TMEM132D: variants seen among roughly 807,000 people sequenced by gnomAD.
TMEM132D encodes transmembrane protein 132D.
TMEM132D carries 21 observed loss-of-function variants against 62.3 expected under a neutral mutation model. That is an observed-to-expected ratio of 0.34 (90% CI 0.24 to 0.49). The LOEUF is 0.49. TMEM132D is among the 20% of genes least tolerant of loss of function. The pLI, the probability that TMEM132D is intolerant of heterozygous loss-of-function variation, is 0.99. For synonymous variants in TMEM132D, 621 were observed against 575.6 expected, an observed-to-expected ratio of 1.08 and a Z score of -1.13; for missense variants, 1,346 against 1,402.8, an observed-to-expected ratio of 0.96 and a Z score of 0.65.
At chr12:129,498,261 T>G (rs1408767032) in intron 3 of TMEM132D, among the ~76,000 whole-genome samples, 1 of 151,892 alleles carries the variant, frequency 6.6e-6, no homozygotes, top group African/African-American at 2.4e-5. Flanking sequence ...TTTATTTGTT[T>G]GTTTGTTTTT....
intron 7 of TMEM132D, among the ~76,000 whole-genome samples, chr12:129,080,422 C>T (rs9788224): frequency 0.24 from 36,126 of 152,144 alleles, 4,420 homozygotes; most frequent in East Asian, 0.39. Context: ...GGTAGCTTCT[C>T]AGCCTTTAGA....
chr12:129,394,243 A>T (rs1871361560), intron 3 of TMEM132D, among the ~76,000 whole-genome samples: 1 of 152,166 alleles, frequency 6.6e-6, no homozygotes, highest in Non-Finnish European at 1.5e-5. Context: ...TTCTGCTCAG[A>T]TACATGAAGA....
chr12:129,204,362 A>G (rs910188171), intron 5 of TMEM132D, among the ~76,000 whole-genome samples: 1 of 152,228 alleles, frequency 6.6e-6, no homozygotes, highest in Admixed American at 6.5e-5. Flanking sequence ...AAAACACACT[A>G]CAAGAATTAA....
chr12:129,405,337 A>G (rs1003651107), intron 3 of TMEM132D, among the ~76,000 whole-genome samples: 2 of 152,112 alleles, frequency 1.3e-5, no homozygotes, highest in African/African-American at 2.4e-5. Context: ...CTCTACCCTC[A>G]TGACCTTACC....
chr12:129,352,200 G>A (rs943459186), intron 3 of TMEM132D, among the ~76,000 whole-genome samples: 1 of 152,100 alleles, frequency 6.6e-6, no homozygotes, highest in Non-Finnish European at 1.5e-5. Context: ...ACCCAGAGTT[G>A]GAGTGTCCTG....
At chr12:129,387,388 C>A (rs1270836628) in intron 3 of TMEM132D, among the ~76,000 whole-genome samples, 2 of 151,982 alleles carry the variant, frequency 1.3e-5, no homozygotes, top group East Asian at 1.9e-4. Context: ...CTAACAAACA[C>A]TAACATCAAC....
intron 2 of TMEM132D, among the ~76,000 whole-genome samples, chr12:129,589,794 G>T (rs942627867): frequency 3.3e-5 from 5 of 152,134 alleles, no homozygotes; most frequent in Admixed American, 2.6e-4. Flanking sequence ...CATTTATTCT[G>T]TTCTTACCAG....
At chr12:129,580,164 G>T (rs372405549) in intron 2 of TMEM132D, among the ~76,000 whole-genome samples, 2 of 152,162 alleles carry the variant, frequency 1.3e-5, no homozygotes, top group South Asian at 4.1e-4. Context: ...AGTCAAGGTT[G>T]TCCCAGGAAG....
chr12:129,164,768 CAT>C (rs1877491506), intron 5 of TMEM132D, among the ~76,000 whole-genome samples: 1 of 152,146 alleles, frequency 6.6e-6, no homozygotes, highest in Non-Finnish European at 1.5e-5. Flanking sequence ...AAACTGCCCC[CAT>C]AATTCAATTA....
At chr12:129,713,058 T>C (rs1868434823) in intron 1 of TMEM132D, among the ~76,000 whole-genome samples, 1 of 151,966 alleles carries the variant, frequency 6.6e-6, no homozygotes, top group South Asian at 2.1e-4. Flanking sequence ...TAAGACAGAG[T>C]CCTATTTTGG....
intron 2 of TMEM132D, among the ~76,000 whole-genome samples, chr12:129,669,691 C>G (rs1220518791): frequency 6.7e-6 from 1 of 150,280 alleles, no homozygotes; most frequent in Non-Finnish European, 1.5e-5. Context: ...GGCAACGGAG[C>G]AAGACTCCAT....
intron 4 of TMEM132D, among the ~76,000 whole-genome samples, chr12:129,267,460 A>G (rs1046666405): frequency 5.9e-5 from 9 of 152,194 alleles, no homozygotes; most frequent in African/African-American, 1.9e-4. Flanking sequence ...TAAAATACCT[A>G]GGAATCCAAC....
intron 5 of TMEM132D, among the ~76,000 whole-genome samples, chr12:129,128,538 A>G (rs1241323099): frequency 2.6e-5 from 4 of 152,134 alleles, no homozygotes; most frequent in African/African-American, 7.2e-5. Flanking sequence ...CCATGATCCA[A>G]TTACCTCCCA....
chr12:129,747,615 ACAC>A (rs1220561339), intron 1 of TMEM132D, among the ~76,000 whole-genome samples: 1 of 150,464 alleles, frequency 6.6e-6, no homozygotes, highest in Non-Finnish European at 1.5e-5. Flanking sequence ...ATACAGACAC[ACAC>A]AACACAGACA....
chr12:129,530,942 A>G, intron 3 of TMEM132D, 117 bp downstream of exon 3: 1 of 1,130,894 alleles, frequency 8.8e-7, no homozygotes, highest in Non-Finnish European at 1.2e-6. Context: ...AGAATAGACG[A>G]CACACACCAA....
chr12:129,723,436 C>T (rs1868916780), intron 1 of TMEM132D, among the ~76,000 whole-genome samples: 1 of 152,186 alleles, frequency 6.6e-6, no homozygotes, highest in Non-Finnish European at 1.5e-5. Context: ...ATCACCCAGG[C>T]CCTTTGCTCT....
At chr12:129,584,630 T>G (rs532162064) in intron 2 of TMEM132D, among the ~76,000 whole-genome samples, 3 of 152,328 alleles carry the variant, frequency 2.0e-5, no homozygotes, top group Admixed American at 2.0e-4. Flanking sequence ...GAGCACTTCT[T>G]AGCTGGCCCA....
At chr12:129,870,107 C>T (rs1322650228) in intron 1 of TMEM132D, among the ~76,000 whole-genome samples, 2 of 152,116 alleles carry the variant, frequency 1.3e-5, no homozygotes, top group East Asian at 1.9e-4. Flanking sequence ...TTCAGCCTCC[C>T]GAGTAGCTGG....
intron 3 of TMEM132D, among the ~76,000 whole-genome samples, chr12:129,356,427 G>T (rs1870050966): frequency 3.8e-5 from 1 of 26,106 alleles, no homozygotes. Context: ...AAAGTGCTGG[G>T]ATTACAGGCG....
Sources: allele counts gnomAD v4.1 joint callset (sites outside exome capture counted in the v4.1 genomes callset), GRCh38; gene constraint gnomAD v4.1.1; transcripts MANE v1.5; gene names NCBI Gene and HGNC (gene_info 2026-07-23, HGNC 2026-07-21).